Variants in SNX19 observed in about 807,000 individuals in gnomAD.
SNX19 encodes the protein sorting nexin 19, also known as sorting nexin-19.
In SNX19, 60 loss-of-function variants were observed where a neutral mutation model predicts 85.2. The observed-to-expected ratio is 0.70, with a 90% CI of 0.57 to 0.87. SNX19 has a LOEUF of 0.87. SNX19 is among the 40% of genes least tolerant of loss of function. SNX19 has a pLI of 0.00. For synonymous variants in SNX19, 520 were observed against 470.0 expected, an observed-to-expected ratio of 1.11 and a Z score of -1.38; for missense variants, 1,201 against 1,217.8, an observed-to-expected ratio of 0.99 and a Z score of 0.21.
intron 8 of SNX19, among the ~76,000 whole-genome samples, chr11:130,892,034 G>A (rs930086676): frequency 2.0e-5 from 3 of 151,454 alleles, no homozygotes; most frequent in Non-Finnish European, 4.4e-5. Context: ...AGTAAAGACG[G>A]GGTTTCACCA....
intron 8 of SNX19, among the ~76,000 whole-genome samples, chr11:130,888,204 GATT>G (rs1301957716): frequency 6.6e-6 from 1 of 151,450 alleles, no homozygotes; most frequent in Non-Finnish European, 1.5e-5. Context: ...GTTGGCTTTA[GATT>G]ATCATTCTAA....
At chr11:130,888,172 A>G (rs1392297733) in intron 8 of SNX19, among the ~76,000 whole-genome samples, 1 of 152,146 alleles carries the variant, frequency 6.6e-6, no homozygotes, top group Non-Finnish European at 1.5e-5. Context: ...ATTAAAAAAA[A>G]ATCTAAATTA....
At chr11:130,891,846 CTT>C (rs10649582) in intron 8 of SNX19, among the ~76,000 whole-genome samples, 5 of 140,404 alleles carry the variant, frequency 3.6e-5, no homozygotes, top group Non-Finnish European at 4.6e-5. Flanking sequence ...AAAGTTTTTT[CTT>C]TTTTTTTTTT....
rs778857881 is a variant in SNX19, at chr11:130,915,900, C to G, written c.40G>C (p.Ala14Pro). Residue 14 changes from alanine (A) to proline (P), a missense_variant, in exon 1 of 11, where the codon GCT becomes CCT. Ala to Pro is a conservative substitution (Grantham distance 27). Around this residue, in one of 3 missense-constraint regions of SNX19, gnomAD observed 791 missense variants for 750.9 expected, o/e 1.05. Coordinates refer to ENST00000265909, the MANE Select transcript of SNX19 (RefSeq NM_014758.3). ...ETVPPFQETP[A>P]GSSCHLNNLL... The stretch of plus-strand genomic sequence containing the variant: ...TTATTGAGGTGACAGCTCGATCCAG[C>G]TGGAGTTTCCTGGAACGGTGGCACT... 38 of 1,613,960 alleles carry G rather than the reference C, an allele frequency of 2.4e-5. No individual in the cohort carries two copies. The highest frequency in any genetic ancestry group is 3.1e-5 in the Non-Finnish European group (36 of 1,179,924).
chr11:130,884,856 A>C (rs1462975706), intron 8 of SNX19, among the ~76,000 whole-genome samples: 2 of 137,438 alleles, frequency 1.5e-5, no homozygotes, highest in East Asian at 4.4e-4. Flanking sequence ...TGGGTGACAG[A>C]GGGAGACTCC....
chr11:130,883,494 G>A (rs1263332058), intron 8 of SNX19, among the ~76,000 whole-genome samples: 1 of 152,210 alleles, frequency 6.6e-6, no homozygotes, highest in East Asian at 1.9e-4. Context: ...GGCCTACAAA[G>A]AGGGACAGAG....
At position 130,868,037 on chromosome 11, in the gene SNX19, C is replaced by A. The variant is rs970085203; in HGVS notation, c.*10385G>T. ...AGAACGAAATGATTTTTTAAAAAAT[C>A]TCTTCTCTGAAATGGCTTCTCTGCC... On this transcript the variant is annotated 3_prime_UTR_variant, in exon 11 of 11. Coordinates refer to ENST00000265909, the MANE Select transcript of SNX19 (RefSeq NM_014758.3). 4.6e-5 allele frequency: 7 copies of A among 152,160 alleles called. No homozygotes were observed. Among genetic ancestry groups the A allele is most frequent in the Non-Finnish European group, 7.3e-5 (5 of 68,036 alleles). 9.4% of individuals were successfully genotyped at this position (152,160 alleles called of 1,614,324 possible). A position where few individuals can be genotyped will look rare whatever the true frequency, so the allele number is the denominator to read the frequency against.
intron 9 of SNX19, among the ~76,000 whole-genome samples, chr11:130,880,040 A>C (rs1045085655): frequency 3.3e-5 from 5 of 152,228 alleles, no homozygotes. Context: ...TCCAGAGCTA[A>C]GTTCACAATT....
At chr11:130,894,147 G>A (rs929926874) in intron 8 of SNX19, among the ~76,000 whole-genome samples, 2 of 152,112 alleles carry the variant, frequency 1.3e-5, no homozygotes, top group African/African-American at 4.8e-5. Flanking sequence ...TAATGTATAA[G>A]ATTTTAGGAT....
Position 130,908,008 on chromosome 11 carries a change from G to C in SNX19, c.2110C>G (p.Leu704Val), listed in dbSNP as rs771106771. 1.9e-5 allele frequency: 30 copies of C among 1,614,048 alleles called. No homozygotes were observed. In the African/African-American group the frequency reaches 3.5e-4, roughly 19 times the overall value. ...TTGCTTTCGGTCTCGGCCTCACTCA[G>C]CTCCTCTGTGGGGCTCTGGGGTTCA... ...RSEPQSPTEE[L>V]SEAETESKPQ... The change falls in exon 5 of 11, where the codon CTG (leucine) becomes GTG (valine). Residue 704 changes from leucine (L) to valine (V), a missense_variant. Physicochemically the swap from Leu to Val is conservative, Grantham distance 32. Around this residue, in one of 3 missense-constraint regions of SNX19, gnomAD observed 125 missense variants for 171.6 expected, o/e 0.73. Coordinates refer to ENST00000265909, the MANE Select transcript of SNX19 (RefSeq NM_014758.3).
intron 8 of SNX19, among the ~76,000 whole-genome samples, chr11:130,891,873 TTC>T (rs1343060405): frequency 4.7e-5 from 7 of 149,110 alleles, no homozygotes; most frequent in Non-Finnish European, 1.0e-4. Flanking sequence ...GACAGTCTCA[TTC>T]TGTCGCCCAG....
At chr11:130,882,857 A>G (rs1943778623) in intron 8 of SNX19, among the ~76,000 whole-genome samples, 1 of 152,180 alleles carries the variant, frequency 6.6e-6, no homozygotes, top group Non-Finnish European at 1.5e-5. Context: ...GTCTCATCTA[A>G]CTGTCTTGAG....
intron 8 of SNX19, 108 bp downstream of exon 8, chr11:130,903,147 G>C: frequency 6.6e-7 from 1 of 1,504,834 alleles, no homozygotes; most frequent in South Asian, 1.3e-5. Flanking sequence ...CTGTAACAGA[G>C]AATCTATCTT....
chr11:130,878,611 T>A, intron 10 of SNX19, 57 bp from the exon 11 acceptor site: 2 of 1,567,916 alleles, frequency 1.3e-6, no homozygotes, highest in Admixed American at 1.8e-5. Flanking sequence ...CACAAGATCC[T>A]GTTTATGACA....
chr11:130,908,692 A>G lies in SNX19; in HGVS notation c.2035-609T>C, dbSNP rs1199046900. Among the ~76,000 whole-genome samples the G allele has an allele frequency of 2.0e-5, 3 of 150,722 alleles. No individual in the cohort carries two copies. The East Asian group carries it at 5.9e-4, about 29-fold the overall frequency. On this transcript the variant is annotated intron_variant, in intron 4 of 10. Transcript: ENST00000265909. ...CTAAGATATCTGGAGTTGAGTTGTT[A>G]TAACTTATCTACTCATACAAGACCA...
rs1219479709 is a variant in SNX19, at chr11:130,914,306, C to T, written c.1634G>A (p.Ser545Asn). Reference protein sequence around the residue: ...ITGTITAREHSGTGFHPYTLY... With the variant: ...ITGTITAREHNGTGFHPYTLY... ...TGTGTATGGGTGGAATCCAGTGCCA[C>T]TGTGCTCTCGGGCTGTAATGGTGCC... Residue 545 changes from serine (S) to asparagine (N), a missense_variant, in exon 1 of 11, where the codon AGT (serine) becomes AAT (asparagine). Transcript: ENST00000265909. 1 of 1,604,492 alleles carries T rather than the reference C, an allele frequency of 6.2e-7. No individual in the cohort carries two copies. Among genetic ancestry groups the T allele is most frequent in the East Asian group, 2.2e-5 (1 of 44,816 alleles).
intron 8 of SNX19, among the ~76,000 whole-genome samples, chr11:130,883,147 T>C (rs776003249): frequency 3.9e-5 from 6 of 152,174 alleles, no homozygotes; most frequent in Non-Finnish European, 8.8e-5. Flanking sequence ...TGTGGCAAAA[T>C]ATAAATTTAT....
Position 130,872,109 on chromosome 11 carries a change from G to A in SNX19, c.*6313C>T, listed in dbSNP as rs1405659220. 1.3e-5 allele frequency among the ~76,000 whole-genome samples: 2 copies of A among 152,162 alleles called. No individual in the cohort carries two copies. The highest frequency in any genetic ancestry group is 4.1e-4 in the South Asian group (2 of 4,826). On this transcript the variant is annotated 3_prime_UTR_variant, in exon 11 of 11. Coordinates refer to ENST00000265909, the MANE Select transcript of SNX19 (RefSeq NM_014758.3). Reference sequence around the variant, plus strand: ...GCTTGCAGGTAAGGCTTGGAGAAGTGAAGACAGGTGGAAAAACCAGGTTTC... The same window carrying A: ...GCTTGCAGGTAAGGCTTGGAGAAGTAAAGACAGGTGGAAAAACCAGGTTTC...
chr11:130,890,185 T>C lies in SNX19; in HGVS notation c.2574-9379A>G, dbSNP rs184574228. On this transcript the variant is annotated intron_variant, in intron 8 of 10. Coordinates refer to ENST00000265909, the MANE Select transcript of SNX19 (RefSeq NM_014758.3). ...TGTGTGAGTCATTCTTGATTTGTCT[T>C]TTTCTCAACCCTAATCCAACACCAC... 6.2e-3 allele frequency among the ~76,000 whole-genome samples: 938 copies of C among 152,272 alleles called. 14 individuals carry two copies. Among genetic ancestry groups the C allele is most frequent in the African/African-American group, 0.021 (891 of 41,552 alleles).
Sources: allele counts gnomAD v4.1 joint callset (sites outside exome capture counted in the v4.1 genomes callset), GRCh38; gene constraint gnomAD v4.1.1; regional missense constraint gnomAD v4.1.1; transcripts MANE v1.5; gene names NCBI Gene and HGNC (gene_info 2026-07-23, HGNC 2026-07-21).